Variants in C6 observed in about 807,000 individuals in gnomAD.
The protein encoded by C6 is complement component C6.
In C6, 101 loss-of-function variants were observed where a neutral mutation model predicts 112.9. The ratio of observed to expected loss-of-function variants is 0.89; its 90% CI spans 0.76 to 1.06. C6 has a LOEUF of 1.06. Among genes scored for constraint, C6 ranks in the 50% least tolerant of loss-of-function variants. The pLI is 0.00. For missense variants in C6, 1,202 were observed against 1,104.6 expected (o/e 1.09, Z -1.25); for synonymous variants, 431 against 384.1 (o/e 1.12, Z -1.43).
At chr5:41,222,603 A>G (rs1316526286) in intron 1 of C6, among the ~76,000 whole-genome samples, 1 of 152,164 alleles carries the variant, frequency 6.6e-6, no homozygotes, top group African/African-American at 2.4e-5. Flanking sequence ...AATTTAAACA[A>G]TTGCATTATT....
intron 6 of C6, among the ~76,000 whole-genome samples, chr5:41,183,972 C>G (rs1749560808): frequency 2.1e-5 from 3 of 145,944 alleles, no homozygotes; most frequent in African/African-American, 7.7e-5. Context: ...ACACTGGGGT[C>G]TACTAGGGGG....
At chr5:41,163,270 A>G (rs2150277653) in intron 9 of C6, among the ~76,000 whole-genome samples, 1 of 151,544 alleles carries the variant, frequency 6.6e-6, no homozygotes, top group East Asian at 1.9e-4. Flanking sequence ...CATGTCAAAA[A>G]TTTCAAGAAA....
exon 1 of C6, chr5:41,261,306 A>G (rs1742036626): frequency 5.7e-6 from 3 of 523,152 alleles, no homozygotes; most frequent in Non-Finnish European, 7.4e-6. Flanking sequence ...GAATCTTACT[A>G]TATGATGAAA....
chr5:41,242,792 T>A (rs1353796909), intron 1 of C6, among the ~76,000 whole-genome samples: 1 of 151,834 alleles, frequency 6.6e-6, no homozygotes, highest in Non-Finnish European at 1.5e-5. Flanking sequence ...GTATGTACAC[T>A]CAATGGAATA....
rs117472229 is a variant in C6, at chr5:41,170,166, C to T, written c.1291+2059G>A. Among the ~76,000 whole-genome samples, 243 of 152,014 alleles carry T rather than the reference C, an allele frequency of 1.6e-3. 6 individuals carry two copies. In the East Asian group the frequency reaches 0.041, roughly 26 times the overall value. On this transcript the variant is annotated intron_variant, in intron 9 of 17. Coordinates refer to ENST00000337836, the MANE Select transcript of C6 (RefSeq NM_000065.5). The stretch of plus-strand genomic sequence containing the variant: ...TTCATTTACTGAGATCTCTTTTTCA[C>T]GGATACTAATTTTCACATATTAAAT...
intron 14 of C6, 147 bp from the exon 15 acceptor site, chr5:41,154,145 G>A: frequency 1.4e-6 from 1 of 705,254 alleles, no homozygotes; most frequent in Non-Finnish European, 2.5e-6. Context: ...GAAAACCTGG[G>A]GGATAAGAAT....
At chr5:41,258,018 A>G (rs910460733) in intron 1 of C6, among the ~76,000 whole-genome samples, 1 of 152,132 alleles carries the variant, frequency 6.6e-6, no homozygotes, top group African/African-American at 2.4e-5. Context: ...TTTCTACCCA[A>G]TCATAAAACT....
rs141363990 is a variant in C6, at chr5:41,232,386, TAAAA to T, written c.-21+28804_-21+28807del. 1.6e-3 allele frequency among the ~76,000 whole-genome samples: 239 copies of T among 152,236 alleles called. 13 individuals carry two copies. In the East Asian group the frequency reaches 0.044, roughly 28 times the overall value. On this transcript the variant is annotated intron_variant, in intron 1 of 17. Transcript: ENST00000263413. ...TTCAATTATCAGTTAGTAAATCCCT[TAAAA>T]GAAAAGTGGCAGAGAATTTGTCTTA...
chr5:41,159,494 A>T, intron 11 of C6: 1 of 984,614 alleles, frequency 1.0e-6, no homozygotes, highest in Non-Finnish European at 1.2e-6. Flanking sequence ...ATCATTATGA[A>T]TTATTTTCAA....
At chr5:41,232,811 T>A (rs13154678) in intron 1 of C6, among the ~76,000 whole-genome samples, 1 of 152,008 alleles carries the variant, frequency 6.6e-6, no homozygotes, top group South Asian at 2.1e-4. Flanking sequence ...TTATTTTTTG[T>A]TCTTTTTTCT....
upstream of C6, among the ~76,000 whole-genome samples, chr5:41,217,134 C>G (rs1459196631): frequency 6.6e-6 from 1 of 152,198 alleles, no homozygotes; most frequent in South Asian, 2.1e-4. Flanking sequence ...TCTTTGGGGG[C>G]CATTCCAAAT....
intron 1 of C6, among the ~76,000 whole-genome samples, chr5:41,228,751 A>C (rs1165752705): frequency 6.6e-6 from 1 of 152,114 alleles, no homozygotes; most frequent in Non-Finnish European, 1.5e-5. Context: ...ATGTACATTT[A>C]TTGTACATTT....
upstream of C6, among the ~76,000 whole-genome samples, chr5:41,215,756 T>C (rs976623487): frequency 2.0e-5 from 3 of 152,096 alleles, no homozygotes; most frequent in East Asian, 3.9e-4. Context: ...AAGGAGAATA[T>C]GTATTCTGTT....
chr5:41,208,695 C>G (rs1459423057), intron 1 of C6, among the ~76,000 whole-genome samples: 1 of 152,130 alleles, frequency 6.6e-6, no homozygotes, highest in African/African-American at 2.4e-5. Flanking sequence ...CCTGAATAAA[C>G]CAATAACAGG....
At chr5:41,238,310 A>G (rs919892854) in intron 1 of C6, among the ~76,000 whole-genome samples, 6 of 149,058 alleles carry the variant, frequency 4.0e-5, no homozygotes, top group South Asian at 2.2e-4. Context: ...GAGGCATCAC[A>G]CTACCTGACT....
intron 1 of C6, among the ~76,000 whole-genome samples, chr5:41,231,654 C>T (rs908112194): frequency 6.6e-6 from 1 of 151,850 alleles, no homozygotes; most frequent in Non-Finnish European, 1.5e-5. Context: ...TGGTAAAATT[C>T]TCCATTTTGA....
chr5:41,158,886 A>G, intron 12 of C6, 101 bp from the exon 13 acceptor site: 1 of 961,504 alleles, frequency 1.0e-6, no homozygotes. Context: ...TTGCATACAT[A>G]TATGTATTAA....
chr5:41,210,877 CT>C (rs1183871295), intron 1 of C6, among the ~76,000 whole-genome samples: 1 of 152,218 alleles, frequency 6.6e-6, no homozygotes. Context: ...CCCAGCCATC[CT>C]GTTACTGGGT....
At chr5:41,238,706 C>A (rs1740492966) in intron 1 of C6, among the ~76,000 whole-genome samples, 1 of 152,018 alleles carries the variant, frequency 6.6e-6, no homozygotes, top group Admixed American at 6.6e-5. Flanking sequence ...AAGTTACCAG[C>A]CTGATGTCAT....
Sources: allele counts gnomAD v4.1 joint callset (sites outside exome capture counted in the v4.1 genomes callset), GRCh38; gene constraint gnomAD v4.1.1; transcripts MANE v1.5; gene names NCBI Gene and HGNC (gene_info 2026-07-23, HGNC 2026-07-21).